The following ETFA variants were observed in gnomAD, a reference collection of about 807,000 sequenced individuals.
The protein encoded by ETFA is electron transfer flavoprotein subunit alpha, mitochondrial.
A neutral mutation model predicts 46.2 loss-of-function variants in ETFA; 22 were observed. The observed-to-expected ratio is 0.48, with a 90% confidence interval of 0.34 to 0.68. The LOEUF (loss-of-function observed/expected upper bound fraction) is 0.68, where lower values mean the gene tolerates loss of function less well. Ranked by LOEUF, ETFA falls within the 30% of genes least tolerant of loss-of-function variation. The pLI is 0.01. For missense variants in ETFA, 345 were observed against 401.1 expected (o/e 0.86, Z 1.19); for synonymous variants, 131 against 139.9 (o/e 0.94, Z 0.45).
chr15:76,285,330 G>A (rs1361293427), intron 7 of ETFA, among the ~76,000 whole-genome samples: 1 of 152,142 alleles, frequency 6.6e-6, no homozygotes, highest in East Asian at 1.9e-4. Context: ...TAATTGAGAA[G>A]CCAACCATAC....
At chr15:76,225,732 C>A in intron 11 of ETFA, 117 bp downstream of exon 11, 1 of 793,068 alleles carries the variant, frequency 1.3e-6, no homozygotes, top group Non-Finnish European at 2.3e-6. Context: ...AGTATACATA[C>A]AAACACAGAC....
rs147768164 is a variant in ETFA, at chr15:76,216,070, G to C, written c.*489C>G. 1 of 156,680 alleles carries C rather than the reference G, an allele frequency of 6.4e-6. No individual in the cohort carries two copies. The highest frequency in any genetic ancestry group is 2.4e-5 in the African/African-American group (1 of 41,472). The allele number at this position is 156,680 out of a possible 1,614,324, so 9.7% of individuals were successfully genotyped here. Reference sequence around the variant, plus strand: ...AAGATAATATTCATGCTTTATAGCCGTGCTTTTTTAACTCTGCACTTGCCA... The same window carrying C: ...AAGATAATATTCATGCTTTATAGCCCTGCTTTTTTAACTCTGCACTTGCCA... On this transcript the variant is annotated 3_prime_UTR_variant, in exon 12 of 12. Coordinates refer to ENST00000557943, the MANE Select transcript of ETFA (RefSeq NM_000126.4).
At chr15:76,280,365 T>C (rs1293928475) in intron 8 of ETFA, among the ~76,000 whole-genome samples, 1 of 152,094 alleles carries the variant, frequency 6.6e-6, no homozygotes, top group Non-Finnish European at 1.5e-5. Flanking sequence ...CCAGGAAAAA[T>C]ACTTTCTCTC....
chr15:76,281,418 A>T (rs745538901), intron 8 of ETFA, among the ~76,000 whole-genome samples: 8 of 145,468 alleles, frequency 5.5e-5, no homozygotes, highest in Non-Finnish European at 7.5e-5. Context: ...AACACTTACG[A>T]CTCTCTAACA....
At chr15:76,244,670 A>T (rs1326524296) in intron 9 of ETFA, among the ~76,000 whole-genome samples, 1 of 152,110 alleles carries the variant, frequency 6.6e-6, no homozygotes, top group African/African-American at 2.4e-5. Context: ...ATAGGAAAAA[A>T]AAAAAACAAA....
intron 5 of ETFA, among the ~76,000 whole-genome samples, chr15:76,287,375 C>T (rs1201533040): frequency 6.6e-6 from 1 of 151,938 alleles, no homozygotes; most frequent in Non-Finnish European, 1.5e-5. Context: ...ATTATGTTGC[C>T]CAGGATAGCC....
At chr15:76,307,817 CT>C (rs1423817756) in intron 1 of ETFA, among the ~76,000 whole-genome samples, 2 of 152,160 alleles carry the variant, frequency 1.3e-5, no homozygotes, top group Admixed American at 1.3e-4. Flanking sequence ...TAAGTGTTAA[CT>C]ATATGCACAT....
At chr15:76,224,351 G>A (rs1476438926) in intron 11 of ETFA, among the ~76,000 whole-genome samples, 1 of 152,200 alleles carries the variant, frequency 6.6e-6, no homozygotes. Context: ...TTACTGAAGA[G>A]GGGTAATGTT....
intron 4 of ETFA, 104 bp downstream of exon 4, chr15:76,292,326 TA>T: frequency 1.2e-6 from 1 of 831,152 alleles, no homozygotes; most frequent in Non-Finnish European, 2.1e-6. Context: ...TCAATTCAGA[TA>T]AATCCAGATT....
intron 9 of ETFA, among the ~76,000 whole-genome samples, chr15:76,243,243 C>A (rs2039209290): frequency 6.6e-6 from 1 of 151,518 alleles, no homozygotes; most frequent in Non-Finnish European, 1.5e-5. Flanking sequence ...TGCACTCCGG[C>A]CTGGGCAGTA....
chr15:76,216,662 G>C, intron 11 of ETFA, 65 bp from the exon 12 acceptor site: 1 of 1,063,318 alleles, frequency 9.4e-7, no homozygotes, highest in South Asian at 1.3e-5. Context: ...TCACAGCTCC[G>C]TAAGCATTAC....
intron 9 of ETFA, among the ~76,000 whole-genome samples, chr15:76,242,154 C>T (rs954084797): frequency 2.0e-5 from 3 of 152,146 alleles, no homozygotes; most frequent in Non-Finnish European, 4.4e-5. Flanking sequence ...AATTTTTTAT[C>T]AGCAAAGTTC....
At chr15:76,252,901 T>C (rs1456273166) in intron 9 of ETFA, among the ~76,000 whole-genome samples, 1 of 109,960 alleles carries the variant, frequency 9.1e-6, no homozygotes, top group African/African-American at 3.5e-5. Context: ...AGAGTACTTT[T>C]TTTTTTTTTT....
chr15:76,295,596 C>T lies in ETFA; in HGVS notation c.181G>A (p.Asp61Asn), dbSNP rs746507946. The T allele has an allele frequency of 6.2e-7, 1 of 1,613,640 alleles. No homozygotes were observed. The highest frequency in any genetic ancestry group is 2.2e-5 in the East Asian group (1 of 44,866). ...TGACCTTAAAAATTTCTCACCTTGT[C>T]ACATTTGGTTCCAGCTACTAAGCAG... ...VSCLVAGTKC[D>N]KVAQDLCKVA... The change falls in exon 2 of 12, where the codon GAC becomes AAC. Residue 61 changes from aspartate to asparagine, a missense_variant. Asp to Asn is a conservative substitution (Grantham distance 23). Transcript: ENST00000557943.
chr15:76,258,935 A>C, intron 9 of ETFA: 3 of 1,260,150 alleles, frequency 2.4e-6, no homozygotes, highest in Non-Finnish European at 3.5e-6. Context: ...GTCAGCCAGC[A>C]CAGTGGCCAT....
intron 2 of ETFA, among the ~76,000 whole-genome samples, chr15:76,295,072 G>C (rs1256513620): frequency 2.6e-5 from 4 of 152,162 alleles, no homozygotes; most frequent in Admixed American, 2.6e-4. Flanking sequence ...TAGAGGGTTA[G>C]TGTTCCAAGC....
At chr15:76,282,905 C>T (rs2039669310) in intron 8 of ETFA, among the ~76,000 whole-genome samples, 1 of 152,178 alleles carries the variant, frequency 6.6e-6, no homozygotes, top group Non-Finnish European at 1.5e-5. Flanking sequence ...ATCCTCCTAA[C>T]TCAGCCTCCC....
At chr15:76,267,159 C>A (rs1369457977) in intron 9 of ETFA, among the ~76,000 whole-genome samples, 1 of 152,172 alleles carries the variant, frequency 6.6e-6, no homozygotes, top group Non-Finnish European at 1.5e-5. Flanking sequence ...TCTGATACAG[C>A]CATTACAGTT....
intron 8 of ETFA, among the ~76,000 whole-genome samples, chr15:76,277,544 C>T (rs569711348): frequency 6.6e-6 from 1 of 152,208 alleles, no homozygotes; most frequent in East Asian, 1.9e-4. Flanking sequence ...ACTCTGTCGC[C>T]CAGGCTGGAG....
Sources: gnomAD v4.1 joint callset for allele counts (sites outside exome capture counted in the v4.1 genomes callset) on GRCh38, gnomAD v4.1.1 for gene constraint, MANE v1.5 for transcripts, NCBI Gene and HGNC (gene_info 2026-07-23, HGNC 2026-07-21) for gene names.